Variants in CDH12 observed in about 807,000 individuals in gnomAD.
CDH12 encodes cadherin-12.
A neutral mutation model predicts 74.1 loss-of-function variants in CDH12; 41 were observed. That is an observed-to-expected ratio of 0.55 (90% CI 0.43 to 0.72). The LOEUF (loss-of-function observed/expected upper bound fraction) is 0.72. Ranked by LOEUF, CDH12 falls within the 30% of genes least tolerant of loss-of-function variation. The probability of loss-of-function intolerance (pLI) is 0.00; values close to 1 mark genes in which losing one functional copy is unlikely to be tolerated. For missense variants in CDH12, 945 were observed against 977.2 expected, an observed-to-expected ratio of 0.97 and a Z score of 0.44; for synonymous variants, 399 against 355.0, an observed-to-expected ratio of 1.12 and a Z score of -1.39.
intron 1 of CDH12, among the ~76,000 whole-genome samples, chr5:22,743,275 T>A: frequency 6.9e-6 from 1 of 145,926 alleles, no homozygotes. Context: ...TATATATATA[T>A]ATATATGTAT....
intron 1 of CDH12, among the ~76,000 whole-genome samples, chr5:22,847,481 C>A (rs1237120614): frequency 6.6e-6 from 1 of 152,132 alleles, no homozygotes; most frequent in Non-Finnish European, 1.5e-5. Flanking sequence ...GTCTTAAATA[C>A]ATCATTTCAT....
intron 7 of CDH12, among the ~76,000 whole-genome samples, chr5:21,848,581 T>C (rs1750300990): frequency 6.6e-6 from 1 of 152,024 alleles, no homozygotes; most frequent in Admixed American, 6.6e-5. Context: ...TCTTGAATAA[T>C]ATTTATTCAA....
At chr5:21,765,942 A>G (rs1744999739) in intron 11 of CDH12, among the ~76,000 whole-genome samples, 1 of 152,054 alleles carries the variant, frequency 6.6e-6, no homozygotes, top group African/African-American at 2.4e-5. Flanking sequence ...TTTGCTGAAA[A>G]GACCTCTTGC....
Position 22,118,924 on chromosome 5 carries a change from C to T in CDH12, c.-186-40062G>A, listed in dbSNP as rs77732133. Among the ~76,000 whole-genome samples, 801 of 152,100 alleles carry T rather than the reference C, an allele frequency of 5.3e-3. 7 individuals carry two copies. The highest frequency in any genetic ancestry group is 0.018 in the African/African-American group (755 of 41,488). ...TTGAGGATGAAGTTGTTAAGCAGGC[C>T]ACATGGAAAGTTCTGTTCTGGGGAG... On this transcript the variant is annotated intron_variant, in intron 4 of 14. Transcript: ENST00000382254.
At chr5:22,230,236 G>A (rs528081294) in intron 3 of CDH12, among the ~76,000 whole-genome samples, 3 of 151,934 alleles carry the variant, frequency 2.0e-5, no homozygotes, top group Non-Finnish European at 2.9e-5. Context: ...TATTCCGCAC[G>A]TTTTAAGGAC....
intron 3 of CDH12, among the ~76,000 whole-genome samples, chr5:22,276,482 C>T (rs1308277236): frequency 6.6e-6 from 1 of 152,158 alleles, no homozygotes; most frequent in African/African-American, 2.4e-5. Flanking sequence ...AATAGCATGT[C>T]TACTTTTAAA....
chr5:22,427,148 C>A (rs1145541), intron 2 of CDH12, among the ~76,000 whole-genome samples: 119,464 of 152,044 alleles, frequency 0.79, 47,099 homozygotes, highest in Admixed American at 0.87. Context: ...TTGTACAAAC[C>A]CTATACTTTT....
At chr5:22,018,508 T>C (rs1422522306) in intron 5 of CDH12, among the ~76,000 whole-genome samples, 3 of 152,138 alleles carry the variant, frequency 2.0e-5, no homozygotes, top group Non-Finnish European at 4.4e-5. Context: ...TTTGTATTTT[T>C]TGAGTGGATG....
At chr5:22,227,452 A>G (rs1041627572) in intron 3 of CDH12, among the ~76,000 whole-genome samples, 2 of 152,060 alleles carry the variant, frequency 1.3e-5, no homozygotes, top group Non-Finnish European at 2.9e-5. Flanking sequence ...TTTGGCCAAT[A>G]ATTTGTTTGA....
chr5:22,697,299 C>T (rs1041582426), intron 1 of CDH12, among the ~76,000 whole-genome samples: 1 of 152,028 alleles, frequency 6.6e-6, no homozygotes, highest in Non-Finnish European at 1.5e-5. Flanking sequence ...CAGCCGGGCG[C>T]GGTGCCTCAC....
chr5:22,266,361 C>CTTA (rs1736117146), intron 3 of CDH12, among the ~76,000 whole-genome samples: 1 of 152,086 alleles, frequency 6.6e-6, no homozygotes, highest in South Asian at 2.1e-4. Flanking sequence ...GTGTGAGCCA[C>CTTA]CATGCCTGGC....
chr5:22,530,416 G>A (rs1237639709), intron 1 of CDH12, among the ~76,000 whole-genome samples: 2 of 152,112 alleles, frequency 1.3e-5, no homozygotes, highest in Non-Finnish European at 2.9e-5. Context: ...TAGAGGGGCA[G>A]AGTTTAAAGA....
intron 5 of CDH12, among the ~76,000 whole-genome samples, chr5:22,037,512 G>A (rs1739272751): frequency 6.6e-6 from 1 of 152,158 alleles, no homozygotes; most frequent in Non-Finnish European, 1.5e-5. Flanking sequence ...ATGGAATGCA[G>A]TGCTGACAAC....
chr5:21,755,748 G>T lies in CDH12; in HGVS notation c.1728C>A (p.Tyr576Ter), dbSNP rs748206240. 6.2e-7 allele frequency: 1 copy of T among 1,614,044 alleles called. No individual in the cohort carries two copies. Residue 576 changes from tyrosine (Y) to a stop codon, truncating the protein, a stop_gained, in exon 14 of 15, where the codon TAC becomes TAA. Transcript: ENST00000382254. LOFTEE classifies it high-confidence loss of function. ...FLPVVIEDSSYPVQSSTNTMT... is the reference protein window; with the variant it reads ...FLPVVIEDSS ...TTGTGTTTGTGCTGCTCTGGACAGGGTAGCTGCTGTCTTCTATTACAACAG... is the reference window on the plus strand; with the variant it reads ...TTGTGTTTGTGCTGCTCTGGACAGGTTAGCTGCTGTCTTCTATTACAACAG...
At chr5:22,265,913 C>G (rs1006506157) in intron 3 of CDH12, among the ~76,000 whole-genome samples, 1 of 152,028 alleles carries the variant, frequency 6.6e-6, no homozygotes, top group African/African-American at 2.4e-5. Flanking sequence ...TAGAGCCACT[C>G]AAAAATTCTT....
chr5:22,335,820 T>C (rs1739558650), intron 3 of CDH12, among the ~76,000 whole-genome samples: 1 of 152,094 alleles, frequency 6.6e-6, no homozygotes, highest in Admixed American at 6.5e-5. Flanking sequence ...CAGTAAATTG[T>C]TAACAGTAGA....
At chr5:22,352,150 C>A (rs1740381945) in intron 3 of CDH12, among the ~76,000 whole-genome samples, 1 of 150,366 alleles carries the variant, frequency 6.7e-6, no homozygotes, top group Admixed American at 6.6e-5. Flanking sequence ...AATTTGGAAA[C>A]CCAGCAGACT....
intron 6 of CDH12, among the ~76,000 whole-genome samples, chr5:21,907,059 A>G (rs1431762182): frequency 6.6e-6 from 1 of 152,182 alleles, no homozygotes; most frequent in Non-Finnish European, 1.5e-5. Flanking sequence ...AGACAGCCTC[A>G]GTCTTAATAG....
chr5:22,703,537 T>C (rs1350636072), intron 1 of CDH12, among the ~76,000 whole-genome samples: 1 of 152,184 alleles, frequency 6.6e-6, no homozygotes, highest in Non-Finnish European at 1.5e-5. Context: ...AGTAAAAAGT[T>C]GAATCAGCTC....
Sources: gnomAD v4.1 joint callset for allele counts (sites outside exome capture counted in the v4.1 genomes callset) on GRCh38, gnomAD v4.1.1 for gene constraint, MANE v1.5 for transcripts, NCBI Gene and HGNC (gene_info 2026-07-23, HGNC 2026-07-21) for gene names.